The following CYTH1 variants were observed in gnomAD, a reference collection of about 807,000 sequenced individuals.
CYTH1 encodes the protein cytohesin-1.
A neutral mutation model predicts 61.8 loss-of-function variants in CYTH1; 18 were observed. The ratio of observed to expected loss-of-function variants is 0.29; its 90% confidence interval spans 0.20 to 0.43. The LOEUF is 0.43. Ranked by LOEUF, CYTH1 falls within the 20% of genes least tolerant of loss-of-function variation. CYTH1 has a pLI of 1.00. For missense variants in CYTH1, 336 were observed against 510.5 expected (o/e 0.66, Z 3.29); for synonymous variants, 174 against 184.3 (o/e 0.94, Z 0.45).
At chr17:78,679,988 C>T (rs987321283) in intron 13 of CYTH1, among the ~76,000 whole-genome samples, 1 of 152,210 alleles carries the variant, frequency 6.6e-6, no homozygotes, top group Non-Finnish European at 1.5e-5. Flanking sequence ...CCAGATGGGA[C>T]GTGCTCTCTT....
intron 2 of CYTH1, chr17:78,709,438 A>G (rs1030880272): frequency 1.9e-6 from 1 of 535,930 alleles, no homozygotes; most frequent in African/African-American, 1.9e-5. Context: ...AACTGGGTGA[A>G]CCTGGACAAG....
At chr17:78,712,510 GC>G (rs2093144627) in intron 1 of CYTH1, among the ~76,000 whole-genome samples, 1 of 151,858 alleles carries the variant, frequency 6.6e-6, no homozygotes, top group South Asian at 2.1e-4. Flanking sequence ...AAAAAAATTA[GC>G]CAGGCATGGT....
intron 1 of CYTH1, among the ~76,000 whole-genome samples, chr17:78,763,357 A>G (rs1438559204): frequency 1.3e-5 from 2 of 151,998 alleles, no homozygotes; most frequent in Non-Finnish European, 2.9e-5. Context: ...TTATATACAC[A>G]TTTGTCAAAC....
intron 1 of CYTH1, among the ~76,000 whole-genome samples, chr17:78,712,295 A>G (rs2093142752): frequency 6.6e-6 from 1 of 152,186 alleles, no homozygotes; most frequent in Admixed American, 6.5e-5. Context: ...AAAGTATCAA[A>G]AATAATATCT....
At chr17:78,724,718 T>G (rs986276972) in intron 1 of CYTH1, among the ~76,000 whole-genome samples, 5 of 152,128 alleles carry the variant, frequency 3.3e-5, no homozygotes, top group African/African-American at 1.2e-4. Context: ...TCCTTTCCAG[T>G]CTCCTGCCGT....
intron 1 of CYTH1, among the ~76,000 whole-genome samples, chr17:78,727,175 C>G (rs2093271136): frequency 6.6e-6 from 1 of 152,242 alleles, no homozygotes; most frequent in African/African-American, 2.4e-5. Context: ...CCTCTCTGCC[C>G]ATGAGGCGTC....
At chr17:78,740,257 T>C (rs1488450581) in intron 1 of CYTH1, among the ~76,000 whole-genome samples, 1 of 152,204 alleles carries the variant, frequency 6.6e-6, no homozygotes, top group Non-Finnish European at 1.5e-5. Flanking sequence ...TCTTCTGATA[T>C]GCTGCCAACC....
chr17:78,782,242 C>CG lies in CYTH1; in HGVS notation c.-20dup, dbSNP rs2093522205. 7.7e-7 allele frequency: 1 copy of CG among 1,300,314 alleles called. No individual in the cohort carries two copies. The highest frequency in any genetic ancestry group is 1.8e-5 in the South Asian group (1 of 56,886). The allele number at this position is 1,300,314 out of a possible 1,614,324, so 80.5% of individuals were successfully genotyped here. On this transcript the variant is annotated 5_prime_UTR_variant, in exon 1 of 14. Coordinates refer to ENST00000446868, the MANE Select transcript of CYTH1 (RefSeq NM_004762.6). ...CCTCCATGGTGCGGGAGCCGGGCTC[C>CG]GCGCTCCGGCTCGCCGCTCGCGTCC...
chr17:78,765,067 G>C (rs1362743050), intron 1 of CYTH1, among the ~76,000 whole-genome samples: 1 of 152,140 alleles, frequency 6.6e-6, no homozygotes, highest in African/African-American at 2.4e-5. Flanking sequence ...AGCATCCCTA[G>C]CACAGTGAAT....
At chr17:78,748,394 T>C (rs896138055) in intron 1 of CYTH1, among the ~76,000 whole-genome samples, 13 of 152,194 alleles carry the variant, frequency 8.5e-5, no homozygotes, top group Non-Finnish European at 1.3e-4. Flanking sequence ...GGAAAATGTT[T>C]ACACATCCAA....
chr17:78,725,681 C>G (rs1477482649), intron 1 of CYTH1, among the ~76,000 whole-genome samples: 3 of 152,170 alleles, frequency 2.0e-5, no homozygotes, highest in African/African-American at 7.2e-5. Context: ...CAGAGTGGAT[C>G]ACAGCCGGGG....
intron 1 of CYTH1, among the ~76,000 whole-genome samples, chr17:78,761,608 G>T (rs1398422787): frequency 6.6e-6 from 1 of 152,084 alleles, no homozygotes; most frequent in Non-Finnish European, 1.5e-5. Flanking sequence ...CGTGGTGGCG[G>T]GCACCTGTAG....
rs980216024 is a variant in CYTH1, at chr17:78,782,077, G to A, written c.22+125C>T. The A allele has an allele frequency of 1.6e-4, 141 of 882,382 alleles. No homozygotes were observed. The African/African-American group carries it at 2.3e-3, about 14-fold the overall frequency. The allele number at this position is 882,382 out of a possible 1,614,324, so 54.7% of individuals were successfully genotyped here. Reference sequence around the variant, plus strand: ...GCACCGCTCGCCCGCCGGTCGCCCCGGGCTCCGCGTCCCGCACCAGTGTCC... The same window carrying A: ...GCACCGCTCGCCCGCCGGTCGCCCCAGGCTCCGCGTCCCGCACCAGTGTCC... On this transcript the variant is annotated intron_variant, in intron 1 of 13. Coordinates refer to ENST00000446868, the MANE Select transcript of CYTH1 (RefSeq NM_004762.6).
At chr17:78,739,830 G>T (rs572601467) in intron 1 of CYTH1, among the ~76,000 whole-genome samples, 1 of 152,300 alleles carries the variant, frequency 6.6e-6, no homozygotes, top group South Asian at 2.1e-4. Context: ...TACTTTCAGG[G>T]TACAGCCAAG....
intron 1 of CYTH1, among the ~76,000 whole-genome samples, chr17:78,770,205 TC>T (rs2093465079): frequency 6.7e-6 from 1 of 150,130 alleles, no homozygotes; most frequent in Admixed American, 6.6e-5. Context: ...GTGTCTGTAA[TC>T]CCAGCTACTT....
chr17:78,738,109 C>A (rs2093328421), intron 1 of CYTH1, among the ~76,000 whole-genome samples: 1 of 152,120 alleles, frequency 6.6e-6, no homozygotes, highest in Non-Finnish European at 1.5e-5. Context: ...CTTTAATTAT[C>A]TCCATAGAAA....
At chr17:78,742,747 C>T (rs886731936) in intron 1 of CYTH1, among the ~76,000 whole-genome samples, 3 of 151,878 alleles carry the variant, frequency 2.0e-5, no homozygotes, top group Non-Finnish European at 2.9e-5. Flanking sequence ...CCCAGCTACT[C>T]GGGAGGCTGA....
intron 1 of CYTH1, among the ~76,000 whole-genome samples, chr17:78,750,822 T>C (rs988958208): frequency 6.7e-6 from 1 of 148,166 alleles, no homozygotes; most frequent in African/African-American, 2.5e-5. Flanking sequence ...AAAACAAAAA[T>C]AGTCATTGCT....
At chr17:78,704,597 C>T (rs925586108) in intron 3 of CYTH1, among the ~76,000 whole-genome samples, 6 of 152,218 alleles carry the variant, frequency 3.9e-5, no homozygotes, top group African/African-American at 1.4e-4. Context: ...TGTGGCTCAC[C>T]GCAACCTTTA....
Sources: gnomAD v4.1 joint callset for allele counts (sites outside exome capture counted in the v4.1 genomes callset) on GRCh38, gnomAD v4.1.1 for gene constraint, MANE v1.5 for transcripts, NCBI Gene and HGNC (gene_info 2026-07-23, HGNC 2026-07-21) for gene names.